The following PDE4D variants were observed in gnomAD, a reference collection of about 807,000 sequenced individuals.
PDE4D encodes the protein phosphodiesterase 4D.
Under a neutral mutation model 87.4 loss-of-function variants are expected in PDE4D, and 24 were observed. That is an observed-to-expected ratio of 0.27 (90% CI 0.20 to 0.39). The LOEUF is 0.39. Among genes scored for constraint, PDE4D ranks in the 10% least tolerant of loss-of-function variants. PDE4D has a pLI of 1.00. For synonymous variants in PDE4D, 384 were observed against 383.2 expected, an observed-to-expected ratio of 1.00 and a Z score of -0.02; for missense variants, 714 against 1,041.0, an observed-to-expected ratio of 0.69 and a Z score of 4.32.
intron 1 of PDE4D, among the ~76,000 whole-genome samples, chr5:59,517,108 A>C (rs531084766): frequency 6.6e-6 from 1 of 152,226 alleles, no homozygotes; most frequent in African/African-American, 2.4e-5. Flanking sequence ...AAAAACTATT[A>C]GCTTTCTTGA....
At chr5:59,360,983 A>G (rs1040460325) in intron 1 of PDE4D, among the ~76,000 whole-genome samples, 9 of 152,204 alleles carry the variant, frequency 5.9e-5, no homozygotes, top group Admixed American at 6.5e-5. Flanking sequence ...CTTAAATATA[A>G]TGATAAAAAA....
intron 1 of PDE4D, among the ~76,000 whole-genome samples, chr5:59,871,979 C>T (rs1445136149): frequency 6.6e-6 from 1 of 152,032 alleles, no homozygotes; most frequent in Non-Finnish European, 1.5e-5. Flanking sequence ...TTCTTTCTAC[C>T]AAACAATGCT....
intron 11 of PDE4D, among the ~76,000 whole-genome samples, chr5:58,982,127 C>G (rs1167849845): frequency 6.6e-6 from 1 of 152,172 alleles, no homozygotes; most frequent in Non-Finnish European, 1.5e-5. Flanking sequence ...GAACAGGAAG[C>G]AAACTTTGCT....
intron 1 of PDE4D, among the ~76,000 whole-genome samples, chr5:59,608,937 T>A (rs1458701271): frequency 6.6e-6 from 1 of 152,124 alleles, no homozygotes; most frequent in Non-Finnish European, 1.5e-5. Context: ...ATACAAGCTA[T>A]AATACTGTGG....
chr5:59,226,349 T>G (rs1345067358), intron 1 of PDE4D, among the ~76,000 whole-genome samples: 1 of 152,180 alleles, frequency 6.6e-6, no homozygotes, highest in African/African-American at 2.4e-5. Context: ...TGCTACAACA[T>G]GGATGAATTT....
chr5:59,762,885 A>C (rs1390839861), intron 1 of PDE4D, among the ~76,000 whole-genome samples: 1 of 138,062 alleles, frequency 7.2e-6, no homozygotes, highest in Non-Finnish European at 1.6e-5. Flanking sequence ...ATATATATAT[A>C]TATATATAGC....
chr5:59,184,907 A>G (rs1742536143), intron 4 of PDE4D, among the ~76,000 whole-genome samples: 1 of 152,186 alleles, frequency 6.6e-6, no homozygotes, highest in African/African-American at 2.4e-5. Flanking sequence ...GAAACTATAA[A>G]GTTACCCTGA....
intron 1 of PDE4D, among the ~76,000 whole-genome samples, chr5:60,354,045 T>C (rs1415081043): frequency 6.6e-6 from 1 of 152,138 alleles, no homozygotes; most frequent in African/African-American, 2.4e-5. Flanking sequence ...TCTTAATAAC[T>C]GATAAGATAA....
chr5:60,325,579 T>A (rs1211345420), intron 1 of PDE4D, among the ~76,000 whole-genome samples: 1 of 152,204 alleles, frequency 6.6e-6, no homozygotes, highest in African/African-American at 2.4e-5. Flanking sequence ...TACATAGAAC[T>A]TTCCCTGACT....
intron 1 of PDE4D, among the ~76,000 whole-genome samples, chr5:60,208,831 C>CG (rs568768150): frequency 0.014 from 2,123 of 152,216 alleles, 22 homozygotes; most frequent in Middle Eastern, 0.034. Context: ...CTAGACCTGA[C>CG]GGGACACTAT....
intron 6 of PDE4D, among the ~76,000 whole-genome samples, chr5:59,032,438 G>A (rs1344497921): frequency 6.6e-6 from 1 of 152,024 alleles, no homozygotes; most frequent in Non-Finnish European, 1.5e-5. Flanking sequence ...AAATTAGCTG[G>A]GCATGGTGGC....
chr5:59,266,270 AATATAT>A (rs34379829), intron 1 of PDE4D, among the ~76,000 whole-genome samples: 11 of 149,578 alleles, frequency 7.4e-5, no homozygotes, highest in African/African-American at 1.5e-4. Context: ...CCTGTCTCTA[AATATAT>A]ATATATATAT....
At chr5:60,211,470 AAT>A (rs1005033488) in intron 1 of PDE4D, among the ~76,000 whole-genome samples, 24 of 149,706 alleles carry the variant, frequency 1.6e-4, no homozygotes, top group Non-Finnish European at 2.4e-4. Flanking sequence ...TGGGGTAGGG[AAT>A]ATATATATGT....
At chr5:60,330,492 T>C (rs1336327710) in intron 1 of PDE4D, among the ~76,000 whole-genome samples, 1 of 151,926 alleles carries the variant, frequency 6.6e-6, no homozygotes. Flanking sequence ...CCATGATAAG[T>C]GGGGGTGAGC....
At chr5:59,066,090 T>C (rs1485591617) in intron 5 of PDE4D, among the ~76,000 whole-genome samples, 1 of 152,130 alleles carries the variant, frequency 6.6e-6, no homozygotes, top group African/African-American at 2.4e-5. Context: ...AGAAAACCTA[T>C]CAATTCATTG....
chr5:59,718,218 T>C (rs1393010117), intron 1 of PDE4D, among the ~76,000 whole-genome samples: 1 of 152,340 alleles, frequency 6.6e-6, no homozygotes, highest in South Asian at 2.1e-4. Flanking sequence ...AGAGTAAGAA[T>C]ACTTATTTCG....
chr5:59,271,162 C>A (rs565026840), intron 1 of PDE4D, among the ~76,000 whole-genome samples: 1 of 152,042 alleles, frequency 6.6e-6, no homozygotes, highest in East Asian at 1.9e-4. Context: ...GCCTCAGCCT[C>A]CCAAGAAGCT....
At chr5:59,115,548 T>C (rs1299965359) in intron 5 of PDE4D, among the ~76,000 whole-genome samples, 1 of 152,182 alleles carries the variant, frequency 6.6e-6, no homozygotes, top group Non-Finnish European at 1.5e-5. Context: ...AATATGAACA[T>C]ACATTTCTCT....
intron 2 of PDE4D, among the ~76,000 whole-genome samples, chr5:60,053,429 A>C (rs2152881407): frequency 6.6e-6 from 1 of 152,314 alleles, no homozygotes; most frequent in South Asian, 2.1e-4. Flanking sequence ...TGACAAAAAC[A>C]AGCAATGGGG....
Sources: allele counts gnomAD v4.1 joint callset (sites outside exome capture counted in the v4.1 genomes callset), GRCh38; gene constraint gnomAD v4.1.1; transcripts MANE v1.5; gene names NCBI Gene and HGNC (gene_info 2026-07-23, HGNC 2026-07-21).